The following EVI5 variants were observed in gnomAD, a reference collection of about 807,000 sequenced individuals.
EVI5 encodes ecotropic viral integration site 5, also known as ecotropic viral integration site 5 protein homolog.
Under a neutral mutation model 112.0 loss-of-function variants are expected in EVI5, and 73 were observed. That is an observed-to-expected ratio of 0.65 (90% CI 0.54 to 0.79). The LOEUF (loss-of-function observed/expected upper bound fraction) is 0.79, where lower values mean the gene tolerates loss of function less well. EVI5 is among the 30% of genes least tolerant of loss of function. EVI5 has a pLI of 0.00. For missense variants in EVI5, 900 were observed against 968.8 expected (o/e 0.93, Z 0.94); for synonymous variants, 305 against 319.9 (o/e 0.95, Z 0.50).
intron 13 of EVI5, among the ~76,000 whole-genome samples, chr1:92,643,786 T>C (rs1010659746): frequency 1.9e-4 from 29 of 152,244 alleles, no homozygotes; most frequent in African/African-American, 7.0e-4. Flanking sequence ...AACATAACTA[T>C]ATAGCATATC....
At chr1:92,735,798 T>C (rs1169843471) in intron 2 of EVI5, among the ~76,000 whole-genome samples, 2 of 143,762 alleles carry the variant, frequency 1.4e-5, no homozygotes, top group African/African-American at 5.1e-5. Context: ...AAGTATATTA[T>C]ATATTTTGTA....
At chr1:92,665,335 C>A (rs1321618548) in intron 11 of EVI5, among the ~76,000 whole-genome samples, 1 of 152,090 alleles carries the variant, frequency 6.6e-6, no homozygotes, top group Non-Finnish European at 1.5e-5. Flanking sequence ...CTGTAAATGA[C>A]TACAAAAGAT....
At chr1:92,613,430 C>G (rs1224956618) in intron 16 of EVI5, among the ~76,000 whole-genome samples, 1 of 152,092 alleles carries the variant, frequency 6.6e-6, no homozygotes, top group African/African-American at 2.4e-5. Context: ...TCCCAAGTAG[C>G]TGTGATTACA....
At chr1:92,790,264 A>G (rs1017727679) in intron 1 of EVI5, among the ~76,000 whole-genome samples, 3 of 152,112 alleles carry the variant, frequency 2.0e-5, no homozygotes, top group Admixed American at 6.5e-5. Flanking sequence ...AGTTAAGATC[A>G]CACCCCTGCA....
At chr1:92,576,906 G>C (rs1671174335) in intron 18 of EVI5, among the ~76,000 whole-genome samples, 1 of 152,074 alleles carries the variant, frequency 6.6e-6, no homozygotes, top group Non-Finnish European at 1.5e-5. Context: ...GAATAACATG[G>C]GGAGCATTTA....
At chr1:92,753,342 CCAAT>C (rs928566202) in intron 1 of EVI5, among the ~76,000 whole-genome samples, 1 of 152,028 alleles carries the variant, frequency 6.6e-6, no homozygotes, top group Admixed American at 6.6e-5. Flanking sequence ...AGTCAATCAA[CCAAT>C]CAATCAATCA....
Position 92,662,859 on chromosome 1 carries a change from C to CA in EVI5, c.1251_1252insT (p.Val418CysfsTer8). The CA allele has an allele frequency of 7.8e-7, 1 of 1,284,864 alleles. No individual in the cohort carries two copies. The highest frequency in any genetic ancestry group is 1.0e-6 in the Non-Finnish European group (1 of 987,396). 79.6% of individuals were successfully genotyped at this position (1,284,864 alleles called of 1,614,324 possible). On this transcript the variant is annotated frameshift_variant, in exon 13 of 20. Coordinates refer to ENST00000684568, the MANE Select transcript of EVI5 (RefSeq NM_001350197.2). LOFTEE classifies it high-confidence loss of function. ...TCCTCAGCCTCCTGGGCTCTTGTCA[C>CA]TTGTCCCTTAGGACATAATTTTTGT... is the stretch of plus-strand genomic sequence containing the variant.
chr1:92,548,061 C>A (rs976415984), intron 19 of EVI5, among the ~76,000 whole-genome samples: 2 of 150,970 alleles, frequency 1.3e-5, no homozygotes, highest in Admixed American at 6.6e-5. Flanking sequence ...AAATTTTAGA[C>A]CAATATCCCT....
At chr1:92,686,844 G>A (rs181792251) in intron 9 of EVI5, among the ~76,000 whole-genome samples, 85 of 152,196 alleles carry the variant, frequency 5.6e-4, no homozygotes, top group Non-Finnish European at 7.4e-4. Flanking sequence ...GGGATGTGAA[G>A]GACCTCTTCA....
At chr1:92,756,144 T>C (rs954454318) in intron 1 of EVI5, 6 of 370,980 alleles carry the variant, frequency 1.6e-5, no homozygotes, top group South Asian at 1.0e-4. Flanking sequence ...GCCTAGGTGT[T>C]ATGACTAATA....
intron 13 of EVI5, among the ~76,000 whole-genome samples, chr1:92,639,694 C>G (rs970615089): frequency 6.6e-6 from 1 of 152,064 alleles, no homozygotes; most frequent in Non-Finnish European, 1.5e-5. Context: ...GCATGCTGCC[C>G]AAAGTAATTA....
chr1:92,580,171 A>AT (rs1442836193), intron 18 of EVI5, among the ~76,000 whole-genome samples: 3 of 152,066 alleles, frequency 2.0e-5, no homozygotes, highest in Non-Finnish European at 2.9e-5. Flanking sequence ...ATATGTAAAC[A>AT]TTTTTTTCAG....
At chr1:92,653,245 G>C (rs1256568173) in intron 13 of EVI5, among the ~76,000 whole-genome samples, 1 of 152,298 alleles carries the variant, frequency 6.6e-6, no homozygotes, top group East Asian at 1.9e-4. Flanking sequence ...CTCAGATTGT[G>C]GCAGCAGCAA....
intron 19 of EVI5, among the ~76,000 whole-genome samples, chr1:92,521,024 C>T (rs1258859747): frequency 1.3e-5 from 2 of 150,572 alleles, no homozygotes; most frequent in Admixed American, 6.6e-5. Context: ...TACAGTGGCA[C>T]GATCTCAGCT....
chr1:92,537,523 T>C (rs141739420), intron 19 of EVI5, among the ~76,000 whole-genome samples: 19 of 152,292 alleles, frequency 1.2e-4, no homozygotes, highest in African/African-American at 2.9e-4. Flanking sequence ...GGATTCCTTA[T>C]AGAATACCTT....
Position 92,636,292 on chromosome 1 carries a change from T to C in EVI5, c.1437A>G (p.Leu479=). ...GTCGGGCTTGGACCAATTCCTTCTC[T>C]AGCTGTAGCACAAAATCTTCGTTGT... ...SNYNEDFVLQ[L]EKELVQARLS... The change falls in exon 14 of 20, where the codon CTA becomes CTG. Residue 479 remains leucine, a synonymous_variant. Transcript: ENST00000684568. The C allele has an allele frequency of 6.2e-7, 1 of 1,613,644 alleles. No homozygotes were observed. The highest frequency in any genetic ancestry group is 1.7e-5 in the Admixed American group (1 of 60,022).
chr1:92,761,019 C>T (rs1681767044), intron 1 of EVI5, among the ~76,000 whole-genome samples: 3 of 137,476 alleles, frequency 2.2e-5, no homozygotes, highest in African/African-American at 8.3e-5. Flanking sequence ...GATAGCGCCA[C>T]TGCACTCCAG....
chr1:92,684,281 A>G (rs1243981956), intron 9 of EVI5, among the ~76,000 whole-genome samples: 1 of 152,230 alleles, frequency 6.6e-6, no homozygotes, highest in Non-Finnish European at 1.5e-5. Context: ...TTCAACCCAG[A>G]ATCTCATATC....
chr1:92,545,414 T>TAA (rs11284076), intron 19 of EVI5, among the ~76,000 whole-genome samples: 4 of 143,758 alleles, frequency 2.8e-5, no homozygotes, highest in Non-Finnish European at 6.1e-5. Context: ...CTACTTGATG[T>TAA]AAAAAAAAAA....
Sources: gnomAD v4.1 joint callset for allele counts (sites outside exome capture counted in the v4.1 genomes callset) on GRCh38, gnomAD v4.1.1 for gene constraint, MANE v1.5 for transcripts, NCBI Gene and HGNC (gene_info 2026-07-23, HGNC 2026-07-21) for gene names.